The following PRKG1 variants were observed in gnomAD, a reference collection of about 807,000 sequenced individuals.
The protein encoded by PRKG1 is protein kinase cGMP-dependent 1.
Under a neutral mutation model 88.1 loss-of-function variants are expected in PRKG1, and 35 were observed. That is an observed-to-expected ratio of 0.40 (90% confidence interval 0.30 to 0.53). PRKG1 has a LOEUF of 0.53. Ranked by LOEUF, PRKG1 falls within the 20% of genes least tolerant of loss-of-function variation. The pLI, the probability that PRKG1 is intolerant of heterozygous loss-of-function variation, is 0.59. For synonymous variants in PRKG1, 303 were observed against 292.5 expected (o/e 1.04, Z -0.37); for missense variants, 540 against 839.8 (o/e 0.64, Z 4.41).
At chr10:51,371,660 T>G (rs949055572) in intron 2 of PRKG1, among the ~76,000 whole-genome samples, 19 of 152,120 alleles carry the variant, frequency 1.2e-4, no homozygotes, top group Non-Finnish European at 2.2e-4. Flanking sequence ...AAATGGTCAG[T>G]AAGCTTACTT....
chr10:51,846,788 A>C (rs1407273118), intron 4 of PRKG1, among the ~76,000 whole-genome samples: 1 of 151,844 alleles, frequency 6.6e-6, no homozygotes, highest in Non-Finnish European at 1.5e-5. Flanking sequence ...AAACTGAATC[A>C]TTTTTTTTCA....
intron 5 of PRKG1, among the ~76,000 whole-genome samples, chr10:51,963,807 T>G (rs567832381): frequency 6.6e-6 from 1 of 152,296 alleles, no homozygotes; most frequent in African/African-American, 2.4e-5. Flanking sequence ...TTCAAAACAC[T>G]GTCCCTTCTG....
chr10:51,968,270 T>G (rs1157520174), intron 5 of PRKG1, among the ~76,000 whole-genome samples: 1 of 152,110 alleles, frequency 6.6e-6, no homozygotes, highest in East Asian at 1.9e-4. Flanking sequence ...CTGTAAAGAT[T>G]ATTCTTTACT....
chr10:51,445,074 T>C (rs953291932), intron 2 of PRKG1, among the ~76,000 whole-genome samples: 7 of 151,950 alleles, frequency 4.6e-5, no homozygotes, highest in African/African-American at 1.7e-4. Flanking sequence ...ACTAGCCACA[T>C]GTAACATTTG....
rs1007115082 is a variant in PRKG1 at position 51,121,547 on chromosome 10, T to C, written c.312-31617T>C. Among the ~76,000 whole-genome samples the C allele has an allele frequency of 5.9e-5, 9 of 152,228 alleles. No homozygotes were observed. In the South Asian group the frequency reaches 6.2e-4, roughly 11 times the overall value. ...TACTGCACTCAGAGATGAGAACTTT[T>C]TATGTCATATCTCACTGAATCCTCA... On this transcript the variant is annotated intron_variant, in intron 1 of 17. Coordinates refer to ENST00000373980, the MANE Select transcript of PRKG1 (RefSeq NM_006258.4).
At chr10:52,055,764 GT>G (rs1846096403) in intron 6 of PRKG1, among the ~76,000 whole-genome samples, 1 of 152,030 alleles carries the variant, frequency 6.6e-6, no homozygotes, top group Non-Finnish European at 1.5e-5. Flanking sequence ...GCCAGTTTCC[GT>G]TTTTATAATT....
chr10:52,233,208 G>A (rs1469668429), intron 9 of PRKG1, among the ~76,000 whole-genome samples: 2 of 150,936 alleles, frequency 1.3e-5, no homozygotes, highest in African/African-American at 4.9e-5. Context: ...GAGAGAGAGA[G>A]AGAGTAGTGA....
At chr10:51,276,748 C>T (rs549631079) in intron 2 of PRKG1, among the ~76,000 whole-genome samples, 1 of 152,318 alleles carries the variant, frequency 6.6e-6, no homozygotes, top group East Asian at 1.9e-4. Flanking sequence ...TGTCTGTCGA[C>T]TGCATAAATG....
intron 9 of PRKG1, among the ~76,000 whole-genome samples, chr10:52,208,159 T>C (rs1839870192): frequency 2.0e-5 from 3 of 152,196 alleles, no homozygotes; most frequent in South Asian, 2.1e-4. Flanking sequence ...CTTGTGACCA[T>C]AGTTATGATC....
chr10:51,998,731 A>G (rs1364531347), intron 5 of PRKG1, among the ~76,000 whole-genome samples: 1 of 152,196 alleles, frequency 6.6e-6, no homozygotes, highest in Non-Finnish European at 1.5e-5. Context: ...AAATAAATCA[A>G]TTATTTGCAA....
At chr10:51,676,770 T>C (rs1840722035) in intron 3 of PRKG1, among the ~76,000 whole-genome samples, 1 of 152,240 alleles carries the variant, frequency 6.6e-6, no homozygotes, top group Non-Finnish European at 1.5e-5. Flanking sequence ...ACAACACTTA[T>C]TTTAAAGTAA....
chr10:51,826,039 T>C (rs1176446650), intron 4 of PRKG1, among the ~76,000 whole-genome samples: 1 of 151,870 alleles, frequency 6.6e-6, no homozygotes, highest in Non-Finnish European at 1.5e-5. Context: ...TGGCAAGGAG[T>C]TGATTTGTAA....
At chr10:51,699,097 G>A in intron 3 of PRKG1, 1 of 1,614,212 alleles carries the variant, frequency 6.2e-7, no homozygotes, top group Non-Finnish European at 8.5e-7. Context: ...GGCTGTTTTG[G>A]ACACAGAGCT....
At chr10:51,630,614 C>T (rs1203382595) in intron 3 of PRKG1, among the ~76,000 whole-genome samples, 3 of 152,168 alleles carry the variant, frequency 2.0e-5, no homozygotes, top group African/African-American at 2.4e-5. Context: ...GCATTATTGC[C>T]TTATTGTCAA....
chr10:51,155,096 A>G (rs765928423), intron 2 of PRKG1, among the ~76,000 whole-genome samples: 4 of 152,088 alleles, frequency 2.6e-5, no homozygotes, highest in South Asian at 2.1e-4. Flanking sequence ...CTTTTACTTC[A>G]TCTGTTTTCC....
At chr10:51,069,453 T>C (rs1264431613) in intron 1 of PRKG1, among the ~76,000 whole-genome samples, 1 of 152,040 alleles carries the variant, frequency 6.6e-6, no homozygotes, top group Non-Finnish European at 1.5e-5. Context: ...AGGGAATCAA[T>C]GTAAGTTCCA....
chr10:51,783,843 A>T (rs1838659383), intron 3 of PRKG1, among the ~76,000 whole-genome samples: 1 of 152,158 alleles, frequency 6.6e-6, no homozygotes, highest in Non-Finnish European at 1.5e-5. Context: ...ATTGTTTTGC[A>T]ACTGAGACAG....
chr10:52,078,456 A>G (rs963988549), intron 7 of PRKG1, among the ~76,000 whole-genome samples: 1 of 152,222 alleles, frequency 6.6e-6, no homozygotes, highest in Non-Finnish European at 1.5e-5. Flanking sequence ...CCTACAAGAA[A>G]CTATTGACAT....
chr10:51,514,945 G>C (rs1841533880), intron 3 of PRKG1, among the ~76,000 whole-genome samples: 1 of 152,126 alleles, frequency 6.6e-6, no homozygotes, highest in South Asian at 2.1e-4. Flanking sequence ...AGGCTGTCCT[G>C]TGCATTGTGG....
Sources: allele counts gnomAD v4.1 joint callset (sites outside exome capture counted in the v4.1 genomes callset), GRCh38; gene constraint gnomAD v4.1.1; transcripts MANE v1.5; gene names NCBI Gene and HGNC (gene_info 2026-07-23, HGNC 2026-07-21).